Variants in CD300E observed in about 807,000 individuals in gnomAD.
The protein encoded by CD300E is CMRF35-like molecule 2.
A neutral mutation model predicts 20.9 loss-of-function variants in CD300E; 14 were observed. The ratio of observed to expected loss-of-function variants is 0.67; its 90% CI spans 0.44 to 1.05. The LOEUF (loss-of-function observed/expected upper bound fraction) is 1.05. CD300E is among the 50% of genes least tolerant of loss of function. CD300E has a pLI of 0.00. For synonymous variants in CD300E, 102 were observed against 103.7 expected (o/e 0.98, Z 0.10); for missense variants, 237 against 253.9 (o/e 0.93, Z 0.45).
intron 1 of CD300E, among the ~76,000 whole-genome samples, chr17:74,618,667 C>T (rs930555726): frequency 1.5e-4 from 23 of 152,140 alleles, no homozygotes; most frequent in African/African-American, 5.6e-4. Flanking sequence ...CTGGCTCTGT[C>T]TGTCATATGC....
chr17:74,614,751 G>A (rs1319050367), intron 2 of CD300E, among the ~76,000 whole-genome samples: 1 of 152,132 alleles, frequency 6.6e-6, no homozygotes, highest in Non-Finnish European at 1.5e-5. Flanking sequence ...CAAAGTGCTG[G>A]GATTACAGGC....
rs1568032887 is a variant in CD300E at position 74,612,603 on chromosome 17, CG to C, written c.*49del. 1.2e-6 allele frequency: 2 copies of C among 1,602,574 alleles called. No individual in the cohort carries two copies. The highest frequency in any genetic ancestry group is 1.7e-6 in the Non-Finnish European group (2 of 1,176,138). ...CAGTCTGAAAGGTTGACTCCCTGCA[CG>C]GGGCACTCCTGGGGATGGGGCTCTG... On this transcript the variant is annotated 3_prime_UTR_variant, in exon 4 of 4. Coordinates refer to ENST00000392619, the MANE Select transcript of CD300E (RefSeq NM_181449.3).
At position 74,614,003 on chromosome 17, in the gene CD300E, G is replaced by A; in HGVS notation, c.419C>T (p.Pro140Leu). The stretch of plus-strand genomic sequence containing the variant: ...CACCAGGAAGATGGGAGGTGTGGCT[G>A]GATGTGTGGTCCTCCTTGGGGTTGT... ...AITTPRRTTH[P>L]ATPPIFLVVN... is the part of the protein sequence containing the mutation. The change falls in exon 3 of 4, where the codon CCA becomes CTA. Residue 140 changes from proline (P) to leucine (L), a missense_variant. Transcript: ENST00000392619. 1 of 1,614,008 alleles carries A rather than the reference G, an allele frequency of 6.2e-7. No homozygotes were observed. Among genetic ancestry groups the A allele is most frequent in the Non-Finnish European group, 8.5e-7 (1 of 1,179,946 alleles).
intron 1 of CD300E, among the ~76,000 whole-genome samples, chr17:74,623,323 T>C (rs1309023023): frequency 6.6e-6 from 1 of 152,234 alleles, no homozygotes; most frequent in Admixed American, 6.5e-5. Flanking sequence ...TGTATTGTAG[T>C]TAGTTGACTC....
chr17:74,615,707 C>T lies in CD300E; in HGVS notation c.388+1411G>A, dbSNP rs570160869. Among the ~76,000 whole-genome samples the T allele has an allele frequency of 4.6e-5, 7 of 152,248 alleles. No individual in the cohort carries two copies. In the South Asian group the frequency reaches 6.2e-4, roughly 14 times the overall value. ...TGGGCAAACTGGGATGATTAGTGAC[C>T]TTTATTTTAGGATTGATCCAGGGAT... On this transcript the variant is annotated intron_variant, in intron 2 of 3. Transcript: ENST00000392619.
At chr17:74,613,702 C>T (rs2030833425) in intron 3 of CD300E, among the ~76,000 whole-genome samples, 2 of 152,328 alleles carry the variant, frequency 1.3e-5, no homozygotes, top group South Asian at 4.1e-4. Flanking sequence ...ACTCAACCTT[C>T]GACCTGAGTC....
chr17:74,617,920 C>A (rs904389370), intron 1 of CD300E, among the ~76,000 whole-genome samples: 1 of 152,216 alleles, frequency 6.6e-6, no homozygotes, highest in Non-Finnish European at 1.5e-5. Context: ...AAAATACTCT[C>A]CGGCTCTGAT....
At chr17:74,619,118 C>T in intron 1 of CD300E, 2 of 471,416 alleles carry the variant, frequency 4.2e-6, no homozygotes, top group South Asian at 3.1e-5. Flanking sequence ...CACCTGCCCC[C>T]AGCTTCCTCC....
Position 74,617,222 on chromosome 17 carries a change from T to G in CD300E, c.284A>C (p.Asn95Thr). Reference sequence around the variant, plus strand: ...CCAGTAAGATCCAGCATCATCTTCATTGAGGTTCTGCATGGTCACAGTGAA... The same window carrying G: ...CCAGTAAGATCCAGCATCATCTTCAGTGAGGTTCTGCATGGTCACAGTGAA... ...LAFTVTMQNL[N>T]EDDAGSYWCK... Residue 95 changes from asparagine to threonine, a missense_variant, in exon 2 of 4, where the codon AAT becomes ACT. Transcript: ENST00000392619. 6.2e-7 allele frequency: 1 copy of G among 1,614,212 alleles called. No homozygotes were observed. Among genetic ancestry groups the G allele is most frequent in the Non-Finnish European group, 8.5e-7 (1 of 1,180,040 alleles).
rs201672101 is a variant in CD300E, at chr17:74,613,985, A to G, written c.437T>C (p.Phe146Ser). 43 of 1,614,048 alleles carry G rather than the reference A, an allele frequency of 2.7e-5. No homozygotes were observed. In the East Asian group the frequency reaches 8.2e-4, roughly 31 times the overall value. Reference sequence around the variant, plus strand: ...GTTTCGCCCAGGGTTCACCACCAGGAAGATGGGAGGTGTGGCTGGATGTGT... The same window carrying G: ...GTTTCGCCCAGGGTTCACCACCAGGGAGATGGGAGGTGTGGCTGGATGTGT... ...RTTHPATPPI[F>S]LVVNPGRNLS... The change falls in exon 3 of 4, where the codon TTC becomes TCC. Residue 146 changes from phenylalanine to serine, a missense_variant. By Grantham distance (155) the Phe-to-Ser change is radical. Coordinates refer to ENST00000392619, the MANE Select transcript of CD300E (RefSeq NM_181449.3).
intron 2 of CD300E, among the ~76,000 whole-genome samples, chr17:74,615,413 G>A (rs139524913): frequency 1.1e-4 from 17 of 152,310 alleles, no homozygotes; most frequent in African/African-American, 3.8e-4. Context: ...CAACCCGAAA[G>A]GGAAAGGGGA....
intron 1 of CD300E, chr17:74,618,996 C>T: frequency 2.2e-6 from 1 of 451,844 alleles, no homozygotes. Context: ...CCTCAGGAAT[C>T]TTCCCATTCC....
At chr17:74,623,097 A>G (rs2031054635) in intron 1 of CD300E, among the ~76,000 whole-genome samples, 1 of 152,178 alleles carries the variant, frequency 6.6e-6, no homozygotes, top group African/African-American at 2.4e-5. Context: ...TCAAAACAGA[A>G]CTATTGTTAA....
At chr17:74,622,974 G>A (rs1408139916) in intron 1 of CD300E, among the ~76,000 whole-genome samples, 1 of 152,180 alleles carries the variant, frequency 6.6e-6, no homozygotes, top group Non-Finnish European at 1.5e-5. Context: ...CTGACCTCAG[G>A]TGATCCACCC....
rs1324039395 is a variant in CD300E at position 74,619,100 on chromosome 17, C to T, written c.41-1635G>A. On this transcript the variant is annotated intron_variant, in intron 1 of 3. Coordinates refer to ENST00000392619, the MANE Select transcript of CD300E (RefSeq NM_181449.3). ...AGATTTGAGAGCTGGTCCTCACCTC[C>T]TCCCTTCCACCTGCCCCCAGCTTCC... 9 of 471,406 alleles carry T rather than the reference C, an allele frequency of 1.9e-5. No homozygotes were observed. In the East Asian group the frequency reaches 5.6e-4, roughly 29 times the overall value. The allele number at this position is 471,406 out of a possible 1,614,324, so 29.2% of individuals were successfully genotyped here.
intron 1 of CD300E, among the ~76,000 whole-genome samples, chr17:74,620,982 G>A (rs975619514): frequency 2.0e-5 from 3 of 151,384 alleles, no homozygotes; most frequent in African/African-American, 7.3e-5. Context: ...GGCGGAGGTT[G>A]CAGTGAGCCA....
intron 2 of CD300E, among the ~76,000 whole-genome samples, chr17:74,615,838 C>A (rs369435761): frequency 1.1e-4 from 16 of 152,264 alleles, no homozygotes; most frequent in African/African-American, 3.4e-4. Flanking sequence ...ATAGTCCCAG[C>A]ACCTTGGGAG....
intron 1 of CD300E, among the ~76,000 whole-genome samples, chr17:74,623,007 G>A (rs1039819882): frequency 6.6e-6 from 1 of 152,178 alleles, no homozygotes; most frequent in Non-Finnish European, 1.5e-5. Flanking sequence ...CAAAGTGATG[G>A]GATTACAGGC....
At chr17:74,623,455 T>A in intron 1 of CD300E, 127 bp downstream of exon 1, 1 of 836,276 alleles carries the variant, frequency 1.2e-6, no homozygotes. Flanking sequence ...GATGCACAGG[T>A]GAATGAACGG....
Sources: allele counts gnomAD v4.1 joint callset (sites outside exome capture counted in the v4.1 genomes callset), GRCh38; gene constraint gnomAD v4.1.1; transcripts MANE v1.5; gene names NCBI Gene and HGNC (gene_info 2026-07-23, HGNC 2026-07-21).